The following NOTCH3 variants were observed in gnomAD, a reference collection of about 807,000 sequenced individuals.
The protein encoded by NOTCH3 is notch receptor 3.
NOTCH3 carries 86 observed loss-of-function variants against 213.3 expected under a neutral mutation model. The observed-to-expected ratio is 0.40, with a 90% CI of 0.34 to 0.48. NOTCH3 has a LOEUF of 0.48. Among genes scored for constraint, NOTCH3 ranks in the 20% least tolerant of loss-of-function variants. The pLI is 0.57. For synonymous variants in NOTCH3, 1,354 were observed against 1,355.9 expected (o/e 1.00, Z 0.03); for missense variants, 2,783 against 3,272.6 (o/e 0.85, Z 3.65).
At position 15,161,261 on chromosome 19, in the gene NOTCH3, G is replaced by T. The variant is rs1258525269; in HGVS notation, c.6367C>A (p.Leu2123Ile). Reference protein sequence around the residue: ...GPPASPGGFPLEGPYAAATAT... With the variant: ...GPPASPGGFPIEGPYAAATAT... ...GTGGCAGCTGCATAGGGCCCCTCAA[G>T]GGGGAAGCCACCAGGGGAAGCAGGG... The change falls in exon 33 of 33, where the codon CTT becomes ATT. Residue 2123 changes from leucine to isoleucine, a missense_variant. Leu to Ile is a conservative substitution (Grantham distance 5, BLOSUM62 2). Coordinates refer to ENST00000263388, the MANE Select transcript of NOTCH3 (RefSeq NM_000435.3). The T allele has an allele frequency of 2.6e-6, 4 of 1,545,492 alleles. No individual in the cohort carries two copies. In the Admixed American group the frequency reaches 7.9e-5, roughly 31 times the overall value.
At position 15,179,052 on chromosome 19, in the gene NOTCH3, G is replaced by T. The variant is rs201680145; in HGVS notation, c.3691C>A (p.Arg1231Ser). Residue 1231 changes from arginine (R) to serine (S), a missense_variant, in exon 22 of 33, where the codon CGT becomes AGT. By Grantham distance (110) the Arg-to-Ser change is moderately radical. Coordinates refer to ENST00000263388, the MANE Select transcript of NOTCH3 (RefSeq NM_000435.3). ...GAGAAGCCAGCATGACAAAGGCAAC[G>T]GAAACCTCCGCCTGGGTCCTGCAGG... ...DCLQDPGGGF[R>S]CLCHAGFSGP... 6.2e-7 allele frequency: 1 copy of T among 1,614,090 alleles called. No individual in the cohort carries two copies. Among genetic ancestry groups the T allele is most frequent in the African/African-American group, 1.3e-5 (1 of 74,944 alleles).
At chr19:15,174,571 ATTTTTT>A (rs71168591) in intron 24 of NOTCH3, among the ~76,000 whole-genome samples, 171 bp from the exon 25 acceptor site, 1 of 145,456 alleles carries the variant, frequency 6.9e-6, no homozygotes. Context: ...TCACTGGATA[ATTTTTT>A]TTTTTTTTTT....
chr19:15,186,373 TTTTGTA>T (rs1351482307), intron 12 of NOTCH3, among the ~76,000 whole-genome samples: 8 of 117,944 alleles, frequency 6.8e-5, no homozygotes, highest in African/African-American at 2.7e-4. Flanking sequence ...TTTTGTTTGT[TTTTGTA>T]TGTGTGTGTG....
intron 28 of NOTCH3, 108 bp from the exon 29 acceptor site, chr19:15,167,519 A>C: frequency 2.1e-6 from 2 of 948,560 alleles, no homozygotes; most frequent in Non-Finnish European, 3.3e-6. Context: ...TAGGAGATAC[A>C]CACAGAGCCC....
intron 31 of NOTCH3, among the ~76,000 whole-genome samples, chr19:15,164,893 A>C (rs2046673160): frequency 6.6e-6 from 1 of 151,218 alleles, no homozygotes; most frequent in Non-Finnish European, 1.5e-5. Flanking sequence ...CGACCCTCCC[A>C]CCTCAGTTTC....
rs2046876069 is a variant in NOTCH3 at position 15,185,667 on chromosome 19, T to C, written c.1964A>G (p.Asn655Ser). ...CQPGFTGPLC[N>S]VEINECASSP... ...GGAAGCACACTCATTGATCTCCACG[T>C]TACAAAGGGGCCCTGGGGAGTACAC... Residue 655 changes from asparagine (N) to serine (S), a missense_variant, in exon 13 of 33, where the codon AAC becomes AGC. By Grantham distance (46) the Asn-to-Ser change is conservative. This residue lies in a region of NOTCH3 where 861 missense variants were observed against 909.1 expected (regional missense o/e 0.95). Coordinates refer to ENST00000263388, the MANE Select transcript of NOTCH3 (RefSeq NM_000435.3). The surrounding 1 kb of genome is among the most constrained non-coding windows in gnomAD (Gnocchi z 4.2). 1.9e-6 allele frequency: 3 copies of C among 1,613,142 alleles called. No homozygotes were observed. The highest frequency in any genetic ancestry group is 1.7e-5 in the Admixed American group (1 of 59,978).
chr19:15,197,357 A>G, intron 2 of NOTCH3, 143 bp downstream of exon 2: 1 of 782,694 alleles, frequency 1.3e-6, no homozygotes, highest in Admixed American at 2.0e-5. Flanking sequence ...ATGGGGAAAC[A>G]CGAGAGGTTG....
intron 31 of NOTCH3, among the ~76,000 whole-genome samples, chr19:15,163,494 T>C (rs1006713056): frequency 6.6e-6 from 1 of 152,138 alleles, no homozygotes; most frequent in Non-Finnish European, 1.5e-5. Flanking sequence ...AAACCACAAA[T>C]AACAATAACA....
chr19:15,185,251 A>G lies in NOTCH3; in HGVS notation c.2296+6T>C. ...TGGGGCTGCAGAGGGAAGGTGAGGT[A>G]CACACCCTGGACACCAGGCGGGCAG... is the stretch of plus-strand genomic sequence containing the variant. On this transcript the variant is annotated splice_donor_region_variant and intron_variant, in intron 14 of 32. Coordinates refer to ENST00000263388, the MANE Select transcript of NOTCH3 (RefSeq NM_000435.3). This position sits in a 1 kb window ranked among gnomAD's most constrained non-coding sequence, Gnocchi z 4.2. The G allele has an allele frequency of 6.2e-7, 1 of 1,613,096 alleles. No individual in the cohort carries two copies. Among genetic ancestry groups the G allele is most frequent in the South Asian group, 1.1e-5 (1 of 91,078 alleles).
Position 15,188,521 on chromosome 19 carries a change from G to C in NOTCH3, c.1379-173C>G, listed in dbSNP as rs547839307. Among the ~76,000 whole-genome samples the C allele has an allele frequency of 3.4e-3, 519 of 152,124 alleles. 2 individuals are homozygous for C. The highest frequency in any genetic ancestry group is 8.1e-3 in the South Asian group (39 of 4,824). The stretch of plus-strand genomic sequence containing the variant: ...CAGCCACAGGCTGGACTGTCACCCA[G>C]CCGTGGTCCCAACTGGCCCAAGGCT... On this transcript the variant is annotated intron_variant, in intron 8 of 32. Coordinates refer to ENST00000263388, the MANE Select transcript of NOTCH3 (RefSeq NM_000435.3).
Position 15,170,175 on chromosome 19 carries a change from C to T in NOTCH3, c.5115-5G>A, listed in dbSNP as rs755974834. 4 of 1,597,760 alleles carry T rather than the reference C, an allele frequency of 2.5e-6. No homozygotes were observed. The highest frequency in any genetic ancestry group is 2.2e-5 in the South Asian group (2 of 89,038). ...CTCTCACCCTTGGCCATGTTCCTGG[C>T]GGACAATGGGAAGAGGGGATGTGAG... On this transcript the variant is annotated splice_polypyrimidine_tract_variant and splice_region_variant and intron_variant, in intron 27 of 32. Coordinates refer to ENST00000263388, the MANE Select transcript of NOTCH3 (RefSeq NM_000435.3).
chr19:15,174,438 G>A (rs867871641), intron 24 of NOTCH3, 38 bp from the exon 25 acceptor site: 1 of 1,446,428 alleles, frequency 6.9e-7, no homozygotes, highest in Non-Finnish European at 9.3e-7. Context: ...GGCGGAGTCA[G>A]GGGTCAGAGG....
rs769773673 is a variant in NOTCH3 at position 15,187,213 on chromosome 19, G to C, written c.1732C>G (p.Arg578Gly). The C allele has an allele frequency of 1.2e-6, 2 of 1,614,108 alleles. No homozygotes were observed. The highest frequency in any genetic ancestry group is 2.2e-5 in the East Asian group (1 of 44,876). ...CATTCGTCCACCTGGCTCTCGCAGC[G>C]TGTGCCCGTGTAGCCAGGAGCACAG... is the stretch of plus-strand genomic sequence containing the variant. Reference protein sequence around the residue: ...CACAPGYTGTRCESQVDECRS... With the variant: ...CACAPGYTGTGCESQVDECRS... Residue 578 changes from arginine (R) to glycine (G), a missense_variant, in exon 11 of 33, where the codon CGC becomes GGC. Physicochemically the swap from Arg to Gly is moderately radical, Grantham distance 125. Coordinates refer to ENST00000263388, the MANE Select transcript of NOTCH3 (RefSeq NM_000435.3).
At chr19:15,173,224 A>T (rs2046754182) in intron 25 of NOTCH3, among the ~76,000 whole-genome samples, 1 of 145,882 alleles carries the variant, frequency 6.9e-6, no homozygotes, top group African/African-American at 2.5e-5. Context: ...GATCCAGACC[A>T]TCCTGGCTAA....
At chr19:15,167,153 A>T in intron 29 of NOTCH3, 96 bp downstream of exon 29, 1 of 1,339,600 alleles carries the variant, frequency 7.5e-7, no homozygotes, top group Non-Finnish European at 1.0e-6. Context: ...AAGCTTAGAG[A>T]CTCCCCCAGT....
At chr19:15,169,745 A>C (rs993296255) in intron 28 of NOTCH3, among the ~76,000 whole-genome samples, 8 of 152,074 alleles carry the variant, frequency 5.3e-5, no homozygotes, top group Admixed American at 6.6e-5. Flanking sequence ...GAACTGACAG[A>C]GATAAGGCAG....
chr19:15,192,651 A>C, intron 2 of NOTCH3, 132 bp from the exon 3 acceptor site: 53 of 1,315,458 alleles, frequency 4.0e-5, no homozygotes, highest in Non-Finnish European at 5.0e-5. Flanking sequence ...GCAGTGGCTC[A>C]CGCCTGTAAT....
chr19:15,175,580 T>C (rs887624122), intron 24 of NOTCH3, among the ~76,000 whole-genome samples: 14 of 34,780 alleles, frequency 4.0e-4, no homozygotes, highest in Admixed American at 2.7e-3. Flanking sequence ...TATATGTATA[T>C]ATATGTATAT....
At position 15,160,675 on chromosome 19, in the gene NOTCH3, T is replaced by C; in HGVS notation, c.6953A>G (p.Gln2318Arg). 6.2e-7 allele frequency: 1 copy of C among 1,613,822 alleles called. No individual in the cohort carries two copies. Among genetic ancestry groups the C allele is most frequent in the Non-Finnish European group, 8.5e-7 (1 of 1,179,800 alleles). Residue 2318 changes from glutamine to arginine, a missense_variant, in exon 33 of 33, where the codon CAA (glutamine) becomes CGA (arginine). By Grantham distance (43) the Gln-to-Arg change is conservative. Around this residue, in one of 6 missense-constraint regions of NOTCH3, gnomAD observed 441 missense variants for 432.1 expected, o/e 1.02. Transcript: ENST00000263388. ...GPQPEVTPKR[Q>R]VLA ...CTGACGAGCGTCTCAGGCCAACACT[T>C]GCCTCTTGGGGGTAACTTCCGGCTG...
Sources: gnomAD v4.1 joint callset for allele counts (sites outside exome capture counted in the v4.1 genomes callset) on GRCh38, gnomAD v4.1.1 for gene constraint, gnomAD v4.1.1 regional missense constraint, Gnocchi (gnomAD v3.1) non-coding constraint, MANE v1.5 for transcripts, NCBI Gene and HGNC (gene_info 2026-07-23, HGNC 2026-07-21) for gene names.